TAF1B: variants seen among roughly 807,000 people sequenced by gnomAD.
TAF1B encodes the protein TATA box-binding protein-associated factor RNA polymerase I subunit B.
A neutral mutation model predicts 83.9 loss-of-function variants in TAF1B; 61 were observed. The observed-to-expected ratio is 0.73, with a 90% CI of 0.59 to 0.90. TAF1B has a LOEUF of 0.90. Among genes scored for constraint, TAF1B ranks in the 40% least tolerant of loss-of-function variants. The pLI is 0.00. For synonymous variants in TAF1B, 221 were observed against 224.6 expected (o/e 0.98, Z 0.14); for missense variants, 625 against 677.0 (o/e 0.92, Z 0.85).
At chr2:9,874,587 CTTGT>C (rs1382349682) in intron 6 of TAF1B, among the ~76,000 whole-genome samples, 1 of 151,788 alleles carries the variant, frequency 6.6e-6, no homozygotes, top group African/African-American at 2.4e-5. Context: ...AATTGTATTT[CTTGT>C]TTGTTTGTTT....
chr2:9,878,217 TTC>T (rs976184932), intron 7 of TAF1B, among the ~76,000 whole-genome samples: 3 of 129,042 alleles, frequency 2.3e-5, no homozygotes, highest in African/African-American at 7.8e-5. Context: ...GGGATTCTTC[TTC>T]TTTTTTTTTT....
chr2:9,889,743 T>C (rs2125160090), intron 8 of TAF1B, among the ~76,000 whole-genome samples: 1 of 152,288 alleles, frequency 6.6e-6, no homozygotes, highest in South Asian at 2.1e-4. Flanking sequence ...CTTTAGAAGC[T>C]TGTTTTTAAG....
At chr2:9,909,653 G>A (rs1389381284) in intron 9 of TAF1B, among the ~76,000 whole-genome samples, 1 of 152,208 alleles carries the variant, frequency 6.6e-6, no homozygotes, top group African/African-American at 2.4e-5. Flanking sequence ...GGCCTAAGGA[G>A]CAACAGTGAC....
chr2:9,919,548 G>C, intron 13 of TAF1B, 50 bp from the exon 14 acceptor site: 1 of 1,508,284 alleles, frequency 6.6e-7, no homozygotes, highest in Non-Finnish European at 9.2e-7. Context: ...GGCTTTATTT[G>C]TGATTTAACA....
chr2:9,892,402 T>C (rs1323225307), intron 8 of TAF1B, among the ~76,000 whole-genome samples: 4 of 152,236 alleles, frequency 2.6e-5, no homozygotes, highest in African/African-American at 9.6e-5. Flanking sequence ...GTAGTCACTC[T>C]GCTGTGCGGT....
chr2:9,861,332 A>G (rs747161725), intron 5 of TAF1B, among the ~76,000 whole-genome samples: 9 of 152,252 alleles, frequency 5.9e-5, no homozygotes, highest in Non-Finnish European at 1.2e-4. Flanking sequence ...TGCTATGCCC[A>G]TGGAGCCTCG....
chr2:9,855,714 A>G (rs1237746022), intron 5 of TAF1B, among the ~76,000 whole-genome samples: 2 of 151,968 alleles, frequency 1.3e-5, no homozygotes, highest in East Asian at 1.9e-4. Flanking sequence ...AATATACCCA[A>G]CCTACCGAAC....
chr2:9,859,147 T>C (rs922174436), intron 5 of TAF1B, among the ~76,000 whole-genome samples: 1 of 152,140 alleles, frequency 6.6e-6, no homozygotes, highest in African/African-American at 2.4e-5. Context: ...CATGACTGAA[T>C]GCTTTCAGGA....
intron 5 of TAF1B, among the ~76,000 whole-genome samples, chr2:9,863,325 C>G (rs1663844417): frequency 6.6e-6 from 1 of 152,102 alleles, no homozygotes; most frequent in African/African-American, 2.4e-5. Flanking sequence ...GACTTTAAAC[C>G]AACAAAGATC....
chr2:9,928,119 G>T (rs1666099519), intron 14 of TAF1B, among the ~76,000 whole-genome samples: 1 of 152,168 alleles, frequency 6.6e-6, no homozygotes, highest in Admixed American at 6.5e-5. Flanking sequence ...ATTAAATAGG[G>T]AATCGTTTCC....
At chr2:9,868,562 C>A in intron 6 of TAF1B, 133 bp downstream of exon 6, 1 of 1,255,848 alleles carries the variant, frequency 8.0e-7, no homozygotes, top group Non-Finnish European at 1.1e-6. Context: ...GGAAGAATGA[C>A]TTGCTGAATC....
At chr2:9,847,380 G>A (rs76390334) in intron 2 of TAF1B, among the ~76,000 whole-genome samples, 7,137 of 152,310 alleles carry the variant, frequency 0.047, 193 homozygotes, top group Non-Finnish European at 0.065. Flanking sequence ...CATGGACTGT[G>A]AGAATATAAT....
At chr2:9,922,552 C>T (rs1665907502) in intron 14 of TAF1B, among the ~76,000 whole-genome samples, 1 of 152,148 alleles carries the variant, frequency 6.6e-6, no homozygotes, top group Admixed American at 6.6e-5. Context: ...TAGCACCAAT[C>T]ATTCCCCCAA....
At chr2:9,893,621 C>T (rs10803706) in intron 8 of TAF1B, among the ~76,000 whole-genome samples, 51,535 of 151,858 alleles carry the variant, frequency 0.34, 9,054 homozygotes, top group East Asian at 0.53. Context: ...CTTGGGAGGT[C>T]GAGGCTGCAG....
chr2:9,843,541 G>C lies in TAF1B; in HGVS notation c.-1G>C. 9 of 1,525,702 alleles carry C rather than the reference G, an allele frequency of 5.9e-6. No homozygotes were observed. Among genetic ancestry groups the C allele is most frequent in the Non-Finnish European group, 7.9e-6 (9 of 1,133,860 alleles). The allele number at this position is 1,525,702 out of a possible 1,614,324, so 94.5% of individuals were successfully genotyped here. A position where few individuals can be genotyped will look rare whatever the true frequency, so the allele number is the denominator to read the frequency against. ...GCTGTGGAAGCTCCCGCGGCGCCGC[G>C]ATGGACCTCGAGGAGGCGGTAAGGA... On this transcript the variant is annotated 5_prime_UTR_variant, in exon 1 of 15. Transcript: ENST00000263663.
chr2:9,879,018 A>G (rs543134555), intron 7 of TAF1B, among the ~76,000 whole-genome samples: 1 of 152,248 alleles, frequency 6.6e-6, no homozygotes, highest in Non-Finnish European at 1.5e-5. Context: ...AAATAGAGCC[A>G]GTGTGAATAT....
chr2:9,875,819 C>T, intron 6 of TAF1B, 46 bp from the exon 7 acceptor site: 1 of 1,517,132 alleles, frequency 6.6e-7, no homozygotes, highest in South Asian at 1.3e-5. Context: ...CTTTTGTTAT[C>T]CAAATAGTTC....
Position 9,913,124 on chromosome 2 carries a change from A to G in TAF1B, c.1181-35A>G, listed in dbSNP as rs531668885. The G allele has an allele frequency of 2.6e-6, 4 of 1,528,030 alleles. No individual in the cohort carries two copies. The South Asian group carries it at 3.6e-5, about 14-fold the overall frequency. 94.7% of individuals were successfully genotyped at this position (1,528,030 alleles called of 1,614,324 possible). A position where few individuals can be genotyped will look rare whatever the true frequency, so the allele number is the denominator to read the frequency against. On this transcript the variant is annotated intron_variant, in intron 11 of 14. Transcript: ENST00000263663. ...AATGTATATTATTATAGTGTGGTTT[A>G]TTTGGTTAATAATCTTGGATTTTAT... is the stretch of plus-strand genomic sequence containing the variant.
In TAF1B at chr2:9,850,863, T is replaced by C. The variant is rs184601408; in HGVS notation, c.206-678T>C. Reference sequence around the variant, plus strand: ...ATTCCAGAAAATAACCCACGTAAGATACCTGGCACACACTTGGCACCTAGG... The same window carrying C: ...ATTCCAGAAAATAACCCACGTAAGACACCTGGCACACACTTGGCACCTAGG... On this transcript the variant is annotated intron_variant, in intron 3 of 14. Transcript: ENST00000263663. Among the ~76,000 whole-genome samples, 35 of 152,338 alleles carry C rather than the reference T, an allele frequency of 2.3e-4. No individual in the cohort carries two copies. The East Asian group carries it at 6.2e-3, about 27-fold the overall frequency.
Sources: allele counts gnomAD v4.1 joint callset (sites outside exome capture counted in the v4.1 genomes callset), GRCh38; gene constraint gnomAD v4.1.1; transcripts MANE v1.5; gene names NCBI Gene and HGNC (gene_info 2026-07-23, HGNC 2026-07-21).